CHST11: variants seen among roughly 807,000 people sequenced by gnomAD.
The protein encoded by CHST11 is carbohydrate sulfotransferase 11.
Under a neutral mutation model 30.4 loss-of-function variants are expected in CHST11, and 9 were observed. That is an observed-to-expected ratio of 0.30 (90% confidence interval 0.18 to 0.52). The LOEUF (loss-of-function observed/expected upper bound fraction) is 0.52. CHST11 is among the 20% of genes least tolerant of loss of function. The pLI, the probability that CHST11 is intolerant of heterozygous loss-of-function variation, is 0.97. For synonymous variants in CHST11, 152 were observed against 187.8 expected, an observed-to-expected ratio of 0.81 and a Z score of 1.56; for missense variants, 348 against 460.6, an observed-to-expected ratio of 0.76 and a Z score of 2.24.
At chr12:104,754,024 A>G (rs1222601189) in intron 2 of CHST11, among the ~76,000 whole-genome samples, 1 of 152,196 alleles carries the variant, frequency 6.6e-6, no homozygotes, top group Non-Finnish European at 1.5e-5. Flanking sequence ...TTGCACATAT[A>G]GATTATTGCT....
At chr12:104,712,537 A>G (rs944835033) in intron 2 of CHST11, among the ~76,000 whole-genome samples, 1 of 152,160 alleles carries the variant, frequency 6.6e-6, no homozygotes, top group African/African-American at 2.4e-5. Flanking sequence ...TCTGTTTCCA[A>G]AGGCCAGGCA....
intron 1 of CHST11, among the ~76,000 whole-genome samples, chr12:104,595,981 G>C (rs1779390798): frequency 6.6e-6 from 1 of 152,182 alleles, no homozygotes; most frequent in Non-Finnish European, 1.5e-5. Flanking sequence ...CTTGGACCAG[G>C]CAAACTAGAC....
intron 2 of CHST11, among the ~76,000 whole-genome samples, chr12:104,727,032 A>G (rs1193704798): frequency 3.3e-5 from 5 of 152,200 alleles, no homozygotes; most frequent in Non-Finnish European, 7.3e-5. Context: ...GCCTTAGTTC[A>G]CCAGTGTAAT....
chr12:104,618,287 G>T (rs188541012), intron 2 of CHST11, among the ~76,000 whole-genome samples: 1 of 148,614 alleles, frequency 6.7e-6, no homozygotes, highest in Non-Finnish European at 1.5e-5. Flanking sequence ...GCAGTGGCGC[G>T]ATCATGGCTC....
intron 1 of CHST11, among the ~76,000 whole-genome samples, chr12:104,473,252 A>G (rs188119600): frequency 6.6e-6 from 1 of 152,276 alleles, no homozygotes; most frequent in African/African-American, 2.4e-5. Flanking sequence ...CAAAGTAAGA[A>G]AGAGCTTAAA....
chr12:104,731,792 G>A (rs987678260), intron 2 of CHST11, among the ~76,000 whole-genome samples: 3 of 152,226 alleles, frequency 2.0e-5, no homozygotes, highest in Non-Finnish European at 4.4e-5. Context: ...ATGTCCATCC[G>A]TGTCATGATT....
At chr12:104,591,806 A>G (rs749160208) in intron 1 of CHST11, 2 of 154,248 alleles carry the variant, frequency 1.3e-5, no homozygotes, top group Non-Finnish European at 2.9e-5. Context: ...CTAGTAGTTC[A>G]TAAAAGAACA....
At chr12:104,525,798 AT>A (rs1243588576) in intron 1 of CHST11, among the ~76,000 whole-genome samples, 2 of 152,174 alleles carry the variant, frequency 1.3e-5, no homozygotes, top group Non-Finnish European at 2.9e-5. Flanking sequence ...GCCTTTTGGT[AT>A]TACACAACTA....
At chr12:104,547,594 A>G (rs1362465347) in intron 1 of CHST11, among the ~76,000 whole-genome samples, 1 of 152,188 alleles carries the variant, frequency 6.6e-6, no homozygotes, top group Admixed American at 6.5e-5. Flanking sequence ...ACAAGACGGC[A>G]TAGCTGAGTA....
At chr12:104,575,775 A>G (rs80049835) in intron 1 of CHST11, among the ~76,000 whole-genome samples, 1,919 of 152,156 alleles carry the variant, frequency 0.013, 49 homozygotes, top group African/African-American at 0.043. Flanking sequence ...TTTGGAGGCC[A>G]CTGCTTCGTC....
intron 1 of CHST11, among the ~76,000 whole-genome samples, chr12:104,476,665 G>A (rs1428394704): frequency 6.6e-6 from 1 of 151,956 alleles, no homozygotes; most frequent in African/African-American, 2.4e-5. Flanking sequence ...AACCTTTGAA[G>A]GCTCTTGATA....
At chr12:104,514,510 A>C in intron 1 of CHST11, 1 of 632,256 alleles carries the variant, frequency 1.6e-6, no homozygotes, top group Non-Finnish European at 2.8e-6. Flanking sequence ...GGGATGTGCT[A>C]AGCTTTACAA....
chr12:104,606,675 A>G (rs1477765867), intron 2 of CHST11, among the ~76,000 whole-genome samples: 1 of 152,130 alleles, frequency 6.6e-6, no homozygotes, highest in East Asian at 1.9e-4. Context: ...TCTCTTTCCC[A>G]GTGACTCAAG....
intron 1 of CHST11, among the ~76,000 whole-genome samples, chr12:104,556,464 G>C (rs1381152593): frequency 2.6e-4 from 39 of 152,130 alleles, no homozygotes; most frequent in South Asian, 2.1e-4. Flanking sequence ...CATGGTTCTG[G>C]AGGCTCGAAG....
At chr12:104,635,501 A>G (rs1592807557) in intron 2 of CHST11, among the ~76,000 whole-genome samples, 1 of 152,210 alleles carries the variant, frequency 6.6e-6, no homozygotes, top group African/African-American at 2.4e-5. Context: ...CAGGAGCCAA[A>G]CAGCCGCAAG....
chr12:104,645,516 G>C (rs1403873833), intron 2 of CHST11, among the ~76,000 whole-genome samples: 1 of 152,136 alleles, frequency 6.6e-6, no homozygotes, highest in Non-Finnish European at 1.5e-5. Flanking sequence ...ACCTGCAGGT[G>C]GGGGTGGGCA....
At chr12:104,678,731 C>T (rs11112163) in intron 2 of CHST11, among the ~76,000 whole-genome samples, 4,764 of 152,106 alleles carry the variant, frequency 0.031, 166 homozygotes, top group East Asian at 0.2. Context: ...TTTTTCTTCA[C>T]GGTGGGGGAG....
At chr12:104,742,623 C>G (rs891606052) in intron 2 of CHST11, among the ~76,000 whole-genome samples, 13 of 152,226 alleles carry the variant, frequency 8.5e-5, no homozygotes, top group African/African-American at 1.9e-4. Context: ...TTCCTGCCCC[C>G]CTCCGGCACC....
At chr12:104,703,215 A>C (rs73191444) in intron 2 of CHST11, among the ~76,000 whole-genome samples, 1 of 152,204 alleles carries the variant, frequency 6.6e-6, no homozygotes, top group Non-Finnish European at 1.5e-5. Context: ...AGGTGAATGC[A>C]TTCATAATTC....
Sources: gnomAD v4.1 joint callset for allele counts (sites outside exome capture counted in the v4.1 genomes callset) on GRCh38, gnomAD v4.1.1 for gene constraint, MANE v1.5 for transcripts, NCBI Gene and HGNC (gene_info 2026-07-23, HGNC 2026-07-21) for gene names.